STAG1: variants seen among roughly 807,000 people sequenced by gnomAD.
The protein encoded by STAG1 is cohesin subunit SA-1.
In STAG1, 26 loss-of-function variants were observed where a neutral mutation model predicts 170.9. That is an observed-to-expected ratio of 0.15 (90% CI 0.11 to 0.21). STAG1 has a LOEUF of 0.21. Among genes scored for constraint, STAG1 ranks in the 10% least tolerant of loss-of-function variants. The pLI, the probability that STAG1 is intolerant of heterozygous loss-of-function variation, is 1.00. For missense variants in STAG1, 964 were observed against 1,509.5 expected, an observed-to-expected ratio of 0.64 and a Z score of 5.99; for synonymous variants, 514 against 497.7, an observed-to-expected ratio of 1.03 and a Z score of -0.44.
intron 1 of STAG1, among the ~76,000 whole-genome samples, chr3:136,718,770 C>A (rs1310981752): frequency 2.6e-5 from 4 of 151,782 alleles, no homozygotes; most frequent in African/African-American, 9.7e-5. Flanking sequence ...ACTACGAATA[C>A]AAAAAAATTG....
At chr3:136,551,178 T>TTTTGAGAGAGAGAGAGAGG (rs1936363952) in intron 5 of STAG1, among the ~76,000 whole-genome samples, 2 of 144,784 alleles carry the variant, frequency 1.4e-5, no homozygotes, top group Non-Finnish European at 3.0e-5. Context: ...TTTTTTTTTT[T>TTTTGAGAGAGAGAGAGAGG]TTGAGAGAGA....
intron 1 of STAG1, among the ~76,000 whole-genome samples, chr3:136,643,806 G>A (rs572445690): frequency 2.4e-4 from 36 of 152,260 alleles, no homozygotes; most frequent in African/African-American, 7.9e-4. Context: ...ACTGCGCCAA[G>A]CCTGAATGAT....
chr3:136,471,685 A>G (rs1467415277), intron 12 of STAG1, among the ~76,000 whole-genome samples: 1 of 152,208 alleles, frequency 6.6e-6, no homozygotes, highest in Non-Finnish European at 1.5e-5. Flanking sequence ...CTGTAGAAAT[A>G]CAGCTATAAC....
At chr3:136,629,061 C>T (rs1047729151) in intron 2 of STAG1, among the ~76,000 whole-genome samples, 2 of 152,172 alleles carry the variant, frequency 1.3e-5, no homozygotes, top group Non-Finnish European at 2.9e-5. Flanking sequence ...CTGTCCAGTA[C>T]CCACAGACAT....
At chr3:136,375,313 G>A (rs550811213) in intron 23 of STAG1, among the ~76,000 whole-genome samples, 8 of 152,190 alleles carry the variant, frequency 5.3e-5, no homozygotes, top group Non-Finnish European at 8.8e-5. Flanking sequence ...AATGGATTGA[G>A]TGAAATAAAT....
At chr3:136,518,744 T>C (rs1393339329) in intron 7 of STAG1, among the ~76,000 whole-genome samples, 1 of 152,160 alleles carries the variant, frequency 6.6e-6, no homozygotes, top group Middle Eastern at 3.2e-3. Flanking sequence ...ATGTTGTTAA[T>C]TTGTTTTTTT....
At chr3:136,525,796 C>A (rs941885347) in intron 6 of STAG1, among the ~76,000 whole-genome samples, 1 of 152,044 alleles carries the variant, frequency 6.6e-6, no homozygotes, top group South Asian at 2.1e-4. Context: ...GTATGTTGTG[C>A]CTTTGTTCTC....
chr3:136,451,955 G>GA, intron 14 of STAG1, 78 bp downstream of exon 14: 1 of 964,056 alleles, frequency 1.0e-6, no homozygotes, highest in Non-Finnish European at 1.5e-6. Flanking sequence ...TTATTTGATT[G>GA]AAAAAAATTA....
intron 1 of STAG1, among the ~76,000 whole-genome samples, chr3:136,733,554 T>A (rs988536559): frequency 6.6e-6 from 1 of 152,206 alleles, no homozygotes; most frequent in Non-Finnish European, 1.5e-5. Flanking sequence ...CAAGTTTACA[T>A]AGACAGAAAC....
chr3:136,462,994 CGAA>C (rs1361283156), intron 13 of STAG1, among the ~76,000 whole-genome samples: 2 of 151,910 alleles, frequency 1.3e-5, no homozygotes, highest in Non-Finnish European at 2.9e-5. Flanking sequence ...TCTAAAAACA[CGAA>C]GTTCTTTGAA....
At chr3:136,368,099 T>C (rs1362042206) in intron 24 of STAG1, among the ~76,000 whole-genome samples, 1 of 152,134 alleles carries the variant, frequency 6.6e-6, no homozygotes, top group Non-Finnish European at 1.5e-5. Flanking sequence ...GAAGAACACA[T>C]TTTTTTGCTT....
chr3:136,437,268 T>C (rs1471778405), intron 15 of STAG1, among the ~76,000 whole-genome samples: 1 of 152,222 alleles, frequency 6.6e-6, no homozygotes, highest in Admixed American at 6.5e-5. Context: ...ACTTTATCAT[T>C]TGAAGCCATC....
chr3:136,342,952 C>T (rs1467965508), intron 30 of STAG1, among the ~76,000 whole-genome samples: 1 of 152,202 alleles, frequency 6.6e-6, no homozygotes, highest in Non-Finnish European at 1.5e-5. Context: ...CTTGGCAGCA[C>T]AAGAATGCCC....
rs554475207 is a variant in STAG1, at chr3:136,405,231, C to CT, written c.2197-6403dup. 5.3e-3 allele frequency among the ~76,000 whole-genome samples: 321 copies of CT among 60,886 alleles called. 41 individuals are homozygous for CT. The highest frequency in any genetic ancestry group is 8.6e-3 in the Admixed American group (28 of 3,238). The allele number at this position is 60,886 out of a possible 152,430, so 39.9% of individuals were successfully genotyped here. A position where few individuals can be genotyped will look rare whatever the true frequency, so the allele number is the denominator to read the frequency against. On this transcript the variant is annotated intron_variant, in intron 21 of 33. Coordinates refer to ENST00000383202, the MANE Select transcript of STAG1 (RefSeq NM_005862.3). ...AATAAATAAACACATGAAAAAACCT[C>CT]TTTTTTTTTTTTTTTTTTTTTTTTT...
At chr3:136,555,502 G>C (rs1936576292) in intron 5 of STAG1, among the ~76,000 whole-genome samples, 2 of 151,614 alleles carry the variant, frequency 1.3e-5, no homozygotes, top group Non-Finnish European at 2.9e-5. Context: ...TGGCCAATAT[G>C]GTGAAACCCT....
chr3:136,613,612 A>C (rs1939428533), intron 3 of STAG1, among the ~76,000 whole-genome samples: 1 of 152,078 alleles, frequency 6.6e-6, no homozygotes, highest in Non-Finnish European at 1.5e-5. Context: ...TCAGGCTCCC[A>C]AGGAGATGGG....
At chr3:136,685,625 T>C (rs9857833) in intron 1 of STAG1, among the ~76,000 whole-genome samples, 27,479 of 152,104 alleles carry the variant, frequency 0.18, 2,967 homozygotes, top group Non-Finnish European at 0.24. Flanking sequence ...GAGCTCTAAG[T>C]CTTGAAAAGA....
At chr3:136,611,251 G>A (rs1199658782) in intron 3 of STAG1, among the ~76,000 whole-genome samples, 5 of 151,888 alleles carry the variant, frequency 3.3e-5, no homozygotes, top group Non-Finnish European at 7.4e-5. Context: ...CTGGGTTCGA[G>A]CGATTCTCCT....
chr3:136,599,988 C>A (rs183381168), intron 4 of STAG1, among the ~76,000 whole-genome samples: 95 of 152,262 alleles, frequency 6.2e-4, no homozygotes, highest in African/African-American at 2.2e-3. Flanking sequence ...AATTTTCAGA[C>A]TCTTTCCTAA....
Sources: gnomAD v4.1 joint callset for allele counts (sites outside exome capture counted in the v4.1 genomes callset) on GRCh38, gnomAD v4.1.1 for gene constraint, MANE v1.5 for transcripts, NCBI Gene and HGNC (gene_info 2026-07-23, HGNC 2026-07-21) for gene names.